Variants in THSD4 observed in about 807,000 individuals in gnomAD.
THSD4 encodes thrombospondin type-1 domain-containing protein 4.
In THSD4, 69 loss-of-function variants were observed where a neutral mutation model predicts 119.0. That is an observed-to-expected ratio of 0.58 (90% CI 0.48 to 0.71). The LOEUF (loss-of-function observed/expected upper bound fraction) is 0.71. Ranked by LOEUF, THSD4 falls within the 30% of genes least tolerant of loss-of-function variation. The pLI is 0.00. For missense variants in THSD4, 1,393 were observed against 1,391.1 expected (o/e 1.00, Z -0.02); for synonymous variants, 524 against 540.4 (o/e 0.97, Z 0.42).
At chr15:71,123,683 T>C (rs143829513) in intron 1 of THSD4, among the ~76,000 whole-genome samples, 40 of 152,190 alleles carry the variant, frequency 2.6e-4, no homozygotes, top group African/African-American at 5.8e-4. Flanking sequence ...CAGATTCAGA[T>C]TGGTGGGAAT....
intron 7 of THSD4, among the ~76,000 whole-genome samples, chr15:71,605,224 C>T (rs972800767): frequency 1.3e-5 from 2 of 152,160 alleles, no homozygotes; most frequent in African/African-American, 4.8e-5. Flanking sequence ...CCGTGCAGGG[C>T]ATTATAGGAA....
In THSD4 at chr15:71,541,567, TCTTA is replaced by T. The variant is rs200162443; in HGVS notation, c.1153-118959_1153-118956del. Reference sequence around the variant, plus strand: ...AGGATGGTAATCACACCTCTGAGCATCTTACTTTTTTCACTCAATAAATCTTGGA... The same window carrying T: ...AGGATGGTAATCACACCTCTGAGCATCTTTTTTCACTCAATAAATCTTGGA... On this transcript the variant is annotated intron_variant, in intron 7 of 17. Transcript: ENST00000261862. 5.9e-5 allele frequency among the ~76,000 whole-genome samples: 9 copies of T among 152,364 alleles called. No individual in the cohort carries two copies. The East Asian group carries it at 1.2e-3, about 20-fold the overall frequency.
intron 6 of THSD4, among the ~76,000 whole-genome samples, chr15:71,356,166 C>A (rs1281033134): frequency 6.6e-6 from 1 of 152,136 alleles, no homozygotes; most frequent in Non-Finnish European, 1.5e-5. Flanking sequence ...CCATGCCTGG[C>A]CCTAATTTAC....
At chr15:71,170,283 A>G (rs2043344517) in intron 3 of THSD4, among the ~76,000 whole-genome samples, 1 of 152,226 alleles carries the variant, frequency 6.6e-6, no homozygotes, top group African/African-American at 2.4e-5. Flanking sequence ...ATAAGGATGC[A>G]GCATACTACT....
At chr15:71,111,668 G>T (rs148755071), upstream of THSD4, 963 of 563,810 alleles carry the variant, frequency 1.7e-3, 9 homozygotes, top group African/African-American at 0.017. Flanking sequence ...CATCGTGATG[G>T]ATCCTGGTAC....
intron 1 of THSD4, among the ~76,000 whole-genome samples, chr15:71,135,392 C>CCAA (rs1335942181): frequency 8.2e-6 from 1 of 122,528 alleles, no homozygotes; most frequent in African/African-American, 3.2e-5. Context: ...TACTAAATGA[C>CCAA]AAAAAAAAAA....
chr15:71,427,978 C>T (rs1263576212), intron 7 of THSD4, among the ~76,000 whole-genome samples: 1 of 152,134 alleles, frequency 6.6e-6, no homozygotes, highest in Non-Finnish European at 1.5e-5. Flanking sequence ...ATCCCCTCCC[C>T]TAGCTTTATG....
chr15:71,172,696 T>TGTCACATATATACATATATGTCAC (rs1362176267), intron 3 of THSD4, among the ~76,000 whole-genome samples: 1 of 91,962 alleles, frequency 1.1e-5, no homozygotes, highest in African/African-American at 5.8e-5. Context: ...TATATATATA[T>TGTCACATATATACATATATGTCAC]ATATATATAT....
chr15:71,242,954 C>G lies in THSD4; in HGVS notation c.770C>G (p.Ser257Ter). ...CATGATCAAGGCTACCCTGCAGCTTCAAGTCTCTTTCACAGCCCAGAAACA... is the reference window on the plus strand; with the variant it reads ...CATGATCAAGGCTACCCTGCAGCTTGAAGTCTCTTTCACAGCCCAGAAACA... ...LTHDQGYPAA[S>*]SLFHSPETSN... Residue 257 changes from serine (S) to a stop codon, truncating the protein, a stop_gained, in exon 5 of 18, where the codon TCA (serine) becomes TGA (stop). Coordinates refer to ENST00000261862, the MANE Select transcript of THSD4 (RefSeq NM_024817.3). LOFTEE classifies it high-confidence loss of function. The G allele has an allele frequency of 6.2e-7, 1 of 1,614,208 alleles. No homozygotes were observed. The highest frequency in any genetic ancestry group is 1.6e-4 in the Middle Eastern group (1 of 6,062).
Position 71,441,271 on chromosome 15 carries a change from A to G in THSD4, c.1152+29448A>G, listed in dbSNP as rs112513212. ...CTTGATGTCTGGGGGTAGCAAAGAC[A>G]GGCAGTGACCAGGTGCAGAAATTGT... On this transcript the variant is annotated intron_variant, in intron 7 of 17. Transcript: ENST00000261862. Among the ~76,000 whole-genome samples, 208 of 39,506 alleles carry G rather than the reference A, an allele frequency of 5.3e-3. 1 individual carries two copies. Among genetic ancestry groups the G allele is most frequent in the African/African-American group, 0.015 (190 of 12,908 alleles). 25.9% of individuals were successfully genotyped at this position (39,506 alleles called of 152,430 possible). A position where few individuals can be genotyped will look rare whatever the true frequency, so the allele number is the denominator to read the frequency against.
At chr15:71,628,918 A>G (rs1394211944) in intron 7 of THSD4, among the ~76,000 whole-genome samples, 1 of 152,216 alleles carries the variant, frequency 6.6e-6, no homozygotes, top group African/African-American at 2.4e-5. Flanking sequence ...TCATCCAGCC[A>G]TCTAACTAAT....
At chr15:71,621,519 G>A (rs186481160) in intron 7 of THSD4, among the ~76,000 whole-genome samples, 1 of 152,308 alleles carries the variant, frequency 6.6e-6, no homozygotes, top group East Asian at 1.9e-4. Flanking sequence ...AGTTTACGGG[G>A]ATGACATAGT....
intron 7 of THSD4, among the ~76,000 whole-genome samples, chr15:71,599,876 A>G (rs4398066): frequency 0.4 from 61,306 of 152,072 alleles, 12,934 homozygotes; most frequent in East Asian, 0.71. Flanking sequence ...AATGCCCCCC[A>G]GTATGGGAAG....
intron 7 of THSD4, among the ~76,000 whole-genome samples, chr15:71,610,075 T>C (rs1457523663): frequency 6.6e-6 from 1 of 152,114 alleles, no homozygotes; most frequent in Non-Finnish European, 1.5e-5. Context: ...AAATAAACTG[T>C]TTCAAAGTAC....
intron 6 of THSD4, among the ~76,000 whole-genome samples, chr15:71,315,509 A>G (rs2045175220): frequency 6.6e-6 from 1 of 152,234 alleles, no homozygotes; most frequent in Admixed American, 6.5e-5. Flanking sequence ...GTCTTCTCCC[A>G]GAATTCCAAA....
intron 7 of THSD4, among the ~76,000 whole-genome samples, chr15:71,476,773 G>T (rs997994776): frequency 6.6e-6 from 1 of 152,182 alleles, no homozygotes; most frequent in South Asian, 2.1e-4. Flanking sequence ...TCAAGAAACA[G>T]TGCAGCCCAG....
At chr15:71,248,631 C>T (rs1279768645) in intron 5 of THSD4, among the ~76,000 whole-genome samples, 1 of 152,160 alleles carries the variant, frequency 6.6e-6, no homozygotes, top group Non-Finnish European at 1.5e-5. Context: ...ATCAATGACT[C>T]TCCAGTGAAT....
At chr15:71,317,108 A>T (rs1312435593) in intron 6 of THSD4, among the ~76,000 whole-genome samples, 1 of 152,174 alleles carries the variant, frequency 6.6e-6, no homozygotes, top group Admixed American at 6.5e-5. Context: ...TCAGAGCTGG[A>T]TATTGGTGTT....
intron 8 of THSD4, among the ~76,000 whole-genome samples, chr15:71,705,581 C>G (rs911969312): frequency 2.6e-5 from 4 of 152,164 alleles, no homozygotes; most frequent in African/African-American, 9.7e-5. Flanking sequence ...CTCTCAGCAG[C>G]TGCCAGGCTG....
Sources: allele counts gnomAD v4.1 joint callset (sites outside exome capture counted in the v4.1 genomes callset), GRCh38; gene constraint gnomAD v4.1.1; transcripts MANE v1.5; gene names NCBI Gene and HGNC (gene_info 2026-07-23, HGNC 2026-07-21).